Variants in RBFOX1 observed in about 807,000 individuals in gnomAD.
The protein encoded by RBFOX1 is RNA binding fox-1 homolog 1.
Under a neutral mutation model 57.7 loss-of-function variants are expected in RBFOX1, and 8 were observed. The observed-to-expected ratio is 0.14, with a 90% CI of 0.08 to 0.25. The LOEUF (loss-of-function observed/expected upper bound fraction) is 0.25, where lower values mean the gene tolerates loss of function less well. Ranked by LOEUF, RBFOX1 falls within the 10% of genes least tolerant of loss-of-function variation. RBFOX1 has a pLI of 1.00. For missense variants in RBFOX1, 611 were observed against 548.5 expected (o/e 1.11, Z -1.14); for synonymous variants, 326 against 222.4 (o/e 1.47, Z -4.15).
At chr16:5,887,937 C>A (rs2057941110) in intron 4 of RBFOX1, among the ~76,000 whole-genome samples, 1 of 152,154 alleles carries the variant, frequency 6.6e-6, no homozygotes, top group African/African-American at 2.4e-5. Context: ...AACAACAGGG[C>A]AAGGACCACA....
At chr16:6,261,669 C>G (rs1002009590) in intron 1 of RBFOX1, among the ~76,000 whole-genome samples, 4 of 151,990 alleles carry the variant, frequency 2.6e-5, no homozygotes. Flanking sequence ...TGACAGAAAA[C>G]TCAGGAAAAC....
chr16:7,402,766 C>G (rs2098266846), intron 4 of RBFOX1, among the ~76,000 whole-genome samples: 1 of 152,124 alleles, frequency 6.6e-6, no homozygotes, highest in African/African-American at 2.4e-5. Flanking sequence ...TCCTTAATCC[C>G]ATTTGATAGG....
intron 3 of RBFOX1, among the ~76,000 whole-genome samples, chr16:5,719,437 C>T (rs191355501): frequency 6.6e-6 from 1 of 151,438 alleles, no homozygotes; most frequent in Admixed American, 6.6e-5. Context: ...GTCTCAATCT[C>T]CTGAGCTCGC....
intron 1 of RBFOX1, among the ~76,000 whole-genome samples, chr16:5,399,992 G>C (rs766113441): frequency 6.6e-6 from 1 of 152,012 alleles, no homozygotes; most frequent in Non-Finnish European, 1.5e-5. Context: ...CCATATGTTT[G>C]CCCTCCTTTC....
At chr16:6,230,173 G>C (rs1004917821) in intron 1 of RBFOX1, among the ~76,000 whole-genome samples, 1 of 152,144 alleles carries the variant, frequency 6.6e-6, no homozygotes, top group Non-Finnish European at 1.5e-5. Flanking sequence ...CAAGATGCTA[G>C]AAGCATAGAA....
At chr16:7,524,216 A>G (rs1356460761) in intron 5 of RBFOX1, among the ~76,000 whole-genome samples, 2 of 152,214 alleles carry the variant, frequency 1.3e-5, no homozygotes, top group African/African-American at 4.8e-5. Flanking sequence ...AAGAACATCT[A>G]ATATATGCAC....
intron 2 of RBFOX1, among the ~76,000 whole-genome samples, chr16:6,385,559 C>T (rs2092202689): frequency 6.6e-6 from 1 of 152,172 alleles, no homozygotes; most frequent in Non-Finnish European, 1.5e-5. Context: ...AGGGTTTTAC[C>T]ATGTTGGCCA....
Position 7,333,093 on chromosome 16 carries a change from T to C in RBFOX1, c.28-185054T>C, listed in dbSNP as rs1460026709. On this transcript the variant is annotated intron_variant, in intron 4 of 15. Transcript: ENST00000550418. ...TACCTTCCTGGACTGATTCAGGTAA[T>C]TCAAGGCCTCTGCCAGCCAGCAACT... 1.9e-6 allele frequency: 3 copies of C among 1,612,884 alleles called. No homozygotes were observed.
At chr16:6,932,117 T>A (rs890739230) in intron 3 of RBFOX1, among the ~76,000 whole-genome samples, 1 of 152,120 alleles carries the variant, frequency 6.6e-6, no homozygotes, top group Non-Finnish European at 1.5e-5. Context: ...GCTGTTTTTG[T>A]TTTTTCAGAT....
At chr16:5,709,928 C>T (rs1483184806) in intron 3 of RBFOX1, among the ~76,000 whole-genome samples, 7 of 136,320 alleles carry the variant, frequency 5.1e-5, no homozygotes, top group African/African-American at 2.0e-4. Flanking sequence ...CATTATTGCC[C>T]TTGGCTTCAG....
chr16:6,273,916 C>A (rs564273113), intron 1 of RBFOX1, among the ~76,000 whole-genome samples: 4 of 152,104 alleles, frequency 2.6e-5, no homozygotes, highest in Non-Finnish European at 4.4e-5. Context: ...GAAGAGGATA[C>A]ACAGATGGCA....
At chr16:6,688,120 G>T (rs1274859395) in intron 3 of RBFOX1, among the ~76,000 whole-genome samples, 1 of 152,054 alleles carries the variant, frequency 6.6e-6, no homozygotes, top group Admixed American at 6.5e-5. Context: ...TCCGGGTTCA[G>T]CAGGCTGTAC....
In RBFOX1 at chr16:5,856,231, ATATATATGTG is replaced by A. The variant is rs1567631221; in HGVS notation, c.319-11064_319-11055del. Among the ~76,000 whole-genome samples the A allele has an allele frequency of 4.1e-4, 21 of 50,606 alleles. 1 individual carries two copies. The highest frequency in any genetic ancestry group is 1.8e-3 in the East Asian group (3 of 1,644). The allele number at this position is 50,606 out of a possible 152,430, so 33.2% of individuals were successfully genotyped here. ...TACATATATATGTATATATATATGT[ATATATATGTG>A]TATATATATGTATATATATGTATAT... On this transcript the variant is annotated intron_variant, in intron 3 of 19. Transcript: ENST00000641259.
At chr16:6,597,291 C>T (rs544786471) in intron 2 of RBFOX1, among the ~76,000 whole-genome samples, 5 of 152,048 alleles carry the variant, frequency 3.3e-5, no homozygotes, top group Non-Finnish European at 7.4e-5. Flanking sequence ...CAGTTTTATA[C>T]CCTAAAGCCA....
chr16:6,545,675 C>A (rs1399685927), intron 2 of RBFOX1, among the ~76,000 whole-genome samples: 2 of 152,178 alleles, frequency 1.3e-5, no homozygotes, highest in Admixed American at 1.3e-4. Flanking sequence ...CCATGGTGTC[C>A]CCAGAACCCA....
intron 4 of RBFOX1, among the ~76,000 whole-genome samples, chr16:5,924,817 T>A (rs2058908083): frequency 6.6e-6 from 1 of 152,206 alleles, no homozygotes; most frequent in South Asian, 2.1e-4. Context: ...CCAGATACTG[T>A]GTTCCTTCCC....
chr16:5,400,419 T>A (rs1485521869), intron 1 of RBFOX1, among the ~76,000 whole-genome samples: 2 of 152,138 alleles, frequency 1.3e-5, no homozygotes, highest in Admixed American at 6.5e-5. Context: ...TTTGTACATC[T>A]CTATGTAATT....
At position 6,848,938 on chromosome 16, in the gene RBFOX1, G is replaced by C. The variant is rs576828708; in HGVS notation, c.-16+194288G>C. Among the ~76,000 whole-genome samples the C allele has an allele frequency of 1.1e-4, 17 of 152,202 alleles. No homozygotes were observed. In the South Asian group the frequency reaches 3.5e-3, roughly 32 times the overall value. On this transcript the variant is annotated intron_variant, in intron 3 of 15. Transcript: ENST00000550418. ...AAAAGACCAGAGAATGTCTCACCCT[G>C]GGTAATTCTACCTTGCTTCATGCAC...
intron 3 of RBFOX1, among the ~76,000 whole-genome samples, chr16:6,859,409 C>T (rs1297488712): frequency 1.3e-5 from 2 of 151,746 alleles, no homozygotes; most frequent in Non-Finnish European, 1.5e-5. Context: ...GCTCTAATAT[C>T]ATAATTGATT....
Sources: allele counts gnomAD v4.1 joint callset (sites outside exome capture counted in the v4.1 genomes callset), GRCh38; gene constraint gnomAD v4.1.1; transcripts MANE v1.5; gene names NCBI Gene and HGNC (gene_info 2026-07-23, HGNC 2026-07-21).